GOLIM4: variants seen among roughly 807,000 people sequenced by gnomAD.
The protein encoded by GOLIM4 is 130 kDa golgi-localized phosphoprotein.
GOLIM4 carries 71 observed loss-of-function variants against 107.4 expected under a neutral mutation model. That is an observed-to-expected ratio of 0.66 (90% CI 0.55 to 0.81). The LOEUF (loss-of-function observed/expected upper bound fraction) is 0.81, where lower values mean the gene tolerates loss of function less well. Ranked by LOEUF, GOLIM4 falls within the 30% of genes least tolerant of loss-of-function variation. The probability of loss-of-function intolerance (pLI) is 0.00; values close to 1 mark genes in which losing one functional copy is unlikely to be tolerated. For missense variants in GOLIM4, 830 were observed against 826.1 expected (o/e 1.00, Z -0.06); for synonymous variants, 327 against 294.8 (o/e 1.11, Z -1.12).
intron 4 of GOLIM4, among the ~76,000 whole-genome samples, chr3:168,044,176 A>G (rs1246368834): frequency 6.6e-6 from 1 of 152,234 alleles, no homozygotes; most frequent in African/African-American, 2.4e-5. Context: ...GGTTTCAATA[A>G]AAAGTGCATG....
At chr3:168,069,412 G>T (rs1467943633) in intron 1 of GOLIM4, among the ~76,000 whole-genome samples, 2 of 152,170 alleles carry the variant, frequency 1.3e-5, no homozygotes, top group Non-Finnish European at 2.9e-5. Context: ...TTTTACCAAT[G>T]AAGTCAAGCA....
intron 1 of GOLIM4, among the ~76,000 whole-genome samples, chr3:168,064,011 G>A (rs1183427711): frequency 6.6e-6 from 1 of 152,140 alleles, no homozygotes; most frequent in East Asian, 1.9e-4. Context: ...CTGGCAAGCA[G>A]GCCTTGAGAT....
intron 13 of GOLIM4, 79 bp downstream of exon 13, chr3:168,024,849 A>T: frequency 7.1e-7 from 1 of 1,405,842 alleles, no homozygotes; most frequent in Non-Finnish European, 9.9e-7. Context: ...AATGTGGAAT[A>T]TGACTAACCT....
At position 168,075,500 on chromosome 3, in the gene GOLIM4, G is replaced by A. The variant is rs189721056; in HGVS notation, c.187+19599C>T. Among the ~76,000 whole-genome samples the A allele has an allele frequency of 2.8e-3, 428 of 151,532 alleles. 1 individual carries two copies. The highest frequency in any genetic ancestry group is 9.9e-3 in the African/African-American group (408 of 41,308). The stretch of plus-strand genomic sequence containing the variant: ...TTTTTAGTAGAGACGGGGTTTCACC[G>A]TTTTAGCCGGGATGGTCTCGATCTC... On this transcript the variant is annotated intron_variant, in intron 1 of 15. Transcript: ENST00000470487.
At chr3:168,035,858 A>T (rs543306005) in intron 8 of GOLIM4, among the ~76,000 whole-genome samples, 11 of 152,328 alleles carry the variant, frequency 7.2e-5, no homozygotes, top group African/African-American at 2.4e-4. Flanking sequence ...TGGAAAAAAA[A>T]AAAACAACCT....
At chr3:168,043,586 A>G in intron 4 of GOLIM4, 57 bp from the exon 5 acceptor site, 3 of 1,366,182 alleles carry the variant, frequency 2.2e-6, no homozygotes, top group Non-Finnish European at 3.0e-6. Flanking sequence ...ATGAGAGTCT[A>G]TTTCTTGACA....
chr3:168,059,318 C>A (rs953789328), intron 1 of GOLIM4, among the ~76,000 whole-genome samples: 1 of 152,172 alleles, frequency 6.6e-6, no homozygotes, highest in Non-Finnish European at 1.5e-5. Context: ...CACCTAACTA[C>A]CACTGTCTTC....
chr3:168,063,041 GA>G (rs1720353553), intron 1 of GOLIM4, among the ~76,000 whole-genome samples: 1 of 152,106 alleles, frequency 6.6e-6, no homozygotes, highest in South Asian at 2.1e-4. Context: ...GTCACAGCTG[GA>G]ATCCTGCTTC....
chr3:168,066,047 T>C (rs1221597983), intron 1 of GOLIM4, among the ~76,000 whole-genome samples: 1 of 152,136 alleles, frequency 6.6e-6, no homozygotes, highest in African/African-American at 2.4e-5. Flanking sequence ...AATAGTGATG[T>C]TCAGAAAGAA....
chr3:168,063,062 C>T (rs1175585273), intron 1 of GOLIM4, among the ~76,000 whole-genome samples: 1 of 152,178 alleles, frequency 6.6e-6, no homozygotes, highest in African/African-American at 2.4e-5. Context: ...CCACCACCAC[C>T]TGCATGTCTA....
chr3:168,027,329 C>G (rs1259472695), intron 12 of GOLIM4, among the ~76,000 whole-genome samples: 1 of 152,182 alleles, frequency 6.6e-6, no homozygotes, highest in Admixed American at 6.5e-5. Context: ...GCTCAACATG[C>G]TCAGGAAGGG....
intron 1 of GOLIM4, among the ~76,000 whole-genome samples, chr3:168,056,276 T>C (rs986618376): frequency 1.5e-4 from 23 of 152,220 alleles, no homozygotes; most frequent in East Asian, 3.9e-4. Flanking sequence ...AAGTCAAGAA[T>C]TGAGGTTTGG....
At chr3:168,064,393 G>A (rs1720433856) in intron 1 of GOLIM4, among the ~76,000 whole-genome samples, 1 of 152,168 alleles carries the variant, frequency 6.6e-6, no homozygotes, top group African/African-American at 2.4e-5. Flanking sequence ...TATTAACAGT[G>A]TACTTTTCCT....
intron 12 of GOLIM4, among the ~76,000 whole-genome samples, chr3:168,026,261 T>A (rs146527612): frequency 1.4e-3 from 216 of 152,266 alleles, no homozygotes; most frequent in African/African-American, 5.0e-3. Context: ...TCTCTTGTCA[T>A]ATGGATTTTC....
intron 5 of GOLIM4, 89 bp from the exon 6 acceptor site, chr3:168,041,563 C>G: frequency 1.5e-6 from 1 of 647,038 alleles, no homozygotes; most frequent in Non-Finnish European, 2.7e-6. Flanking sequence ...CCACCTATAA[C>G]TTATTTTAGA....
rs1560084627 is a variant in GOLIM4 at position 168,042,258 on chromosome 3, GAGT to G, written c.518-787_518-785del. On this transcript the variant is annotated intron_variant, in intron 5 of 15. Coordinates refer to ENST00000470487, the MANE Select transcript of GOLIM4 (RefSeq NM_014498.5). ...TAGCACCTATTTTTTTTTTTTGACA[GAGT>G]CTCTCTCTGTCACCCAGGCTGGAGT... is the stretch of plus-strand genomic sequence containing the variant. Among the ~76,000 whole-genome samples, 7 of 150,982 alleles carry G rather than the reference GAGT, an allele frequency of 4.6e-5. No homozygotes were observed. In the East Asian group the frequency reaches 1.2e-3, roughly 25 times the overall value.
intron 10 of GOLIM4, 152 bp downstream of exon 10, chr3:168,029,628 T>C (rs1718194459): frequency 1.4e-6 from 1 of 725,300 alleles, no homozygotes; most frequent in Non-Finnish European, 2.1e-6. Flanking sequence ...AAATATTTGG[T>C]ATTTAATTTT....
At chr3:168,053,324 C>T (rs1719756663) in intron 1 of GOLIM4, among the ~76,000 whole-genome samples, 1 of 152,146 alleles carries the variant, frequency 6.6e-6, no homozygotes, top group Admixed American at 6.5e-5. Flanking sequence ...CAAGAGAGGG[C>T]AATGTTTCTT....
rs376064622 is a variant in GOLIM4, at chr3:168,018,453, G to A, written c.1860+6073C>T. Reference sequence around the variant, plus strand: ...GTGAACCTCTTCTAACCAGTCCAACGCCAGTTTGACCCACAGCCTCTAAAC... The same window carrying A: ...GTGAACCTCTTCTAACCAGTCCAACACCAGTTTGACCCACAGCCTCTAAAC... On this transcript the variant is annotated intron_variant, in intron 14 of 15. Coordinates refer to ENST00000470487, the MANE Select transcript of GOLIM4 (RefSeq NM_014498.5). Among the ~76,000 whole-genome samples, 4 of 152,096 alleles carry A rather than the reference G, an allele frequency of 2.6e-5. No homozygotes were observed. The East Asian group carries it at 7.7e-4, about 29-fold the overall frequency.
Sources: allele counts gnomAD v4.1 joint callset (sites outside exome capture counted in the v4.1 genomes callset), GRCh38; gene constraint gnomAD v4.1.1; transcripts MANE v1.5; gene names NCBI Gene and HGNC (gene_info 2026-07-23, HGNC 2026-07-21).